The following RGS6 variants were observed in gnomAD, a reference collection of about 807,000 sequenced individuals.
RGS6 encodes regulator of G-protein signaling 6.
A neutral mutation model predicts 78.5 loss-of-function variants in RGS6; 30 were observed. That is an observed-to-expected ratio of 0.38 (90% CI 0.29 to 0.52). The LOEUF (loss-of-function observed/expected upper bound fraction) is 0.52, where lower values mean the gene tolerates loss of function less well. Ranked by LOEUF, RGS6 falls within the 20% of genes least tolerant of loss-of-function variation. The probability of loss-of-function intolerance (pLI) is 0.85; values close to 1 mark genes in which losing one functional copy is unlikely to be tolerated. For synonymous variants in RGS6, 206 were observed against 206.0 expected (o/e 1.00, Z 0.00); for missense variants, 495 against 609.7 (o/e 0.81, Z 1.98).
chr14:71,997,703 G>A (rs1420939660), intron 2 of RGS6, among the ~76,000 whole-genome samples: 1 of 152,176 alleles, frequency 6.6e-6, no homozygotes, highest in African/African-American at 2.4e-5. Context: ...CTGAGTCAGA[G>A]GCCTGGGGGT....
intron 11 of RGS6, among the ~76,000 whole-genome samples, chr14:72,477,784 G>C (rs1330120859): frequency 6.9e-6 from 1 of 145,046 alleles, no homozygotes; most frequent in African/African-American, 2.6e-5. Flanking sequence ...GCAACAGAAT[G>C]AGACTCTGTC....
At chr14:72,277,390 G>C (rs1723556023) in intron 2 of RGS6, among the ~76,000 whole-genome samples, 1 of 152,080 alleles carries the variant, frequency 6.6e-6, no homozygotes, top group Admixed American at 6.5e-5. Flanking sequence ...GAGGTCAGGA[G>C]ATCGAGACCA....
chr14:71,990,076 G>A (rs776752265), intron 2 of RGS6, among the ~76,000 whole-genome samples: 7 of 152,152 alleles, frequency 4.6e-5, no homozygotes, highest in Admixed American at 2.6e-4. Flanking sequence ...AAGTGAGTAC[G>A]TGTGAAGAGA....
chr14:72,192,353 A>C (rs1319737111), intron 2 of RGS6, among the ~76,000 whole-genome samples: 1 of 152,218 alleles, frequency 6.6e-6, no homozygotes, highest in Admixed American at 6.5e-5. Flanking sequence ...AAGAGGGAGA[A>C]AGATGGTACA....
intron 2 of RGS6, among the ~76,000 whole-genome samples, chr14:72,165,895 A>G (rs2096918575): frequency 6.6e-6 from 1 of 152,224 alleles, no homozygotes; most frequent in Non-Finnish European, 1.5e-5. Context: ...AAATATAACA[A>G]TGCACTGATA....
the RGS6 span, among the ~76,000 whole-genome samples, chr14:72,610,654 A>G: frequency 0.023 from 3,538 of 152,318 alleles, 149 homozygotes; most frequent in African/African-American, 0.081. Flanking sequence ...ACAGCACAGC[A>G]TCAGGCCAGG....
At chr14:72,154,960 C>T (rs532517355) in intron 2 of RGS6, among the ~76,000 whole-genome samples, 7 of 152,316 alleles carry the variant, frequency 4.6e-5, no homozygotes, top group East Asian at 1.9e-4. Context: ...TAGGAGCGGG[C>T]GGTAATGAAT....
intron 2 of RGS6, among the ~76,000 whole-genome samples, chr14:72,080,572 C>T (rs796928082): frequency 3.9e-5 from 6 of 152,086 alleles, no homozygotes; most frequent in African/African-American, 1.4e-4. Context: ...GCTTTTAGAA[C>T]CTGATCAAAA....
chr14:72,296,975 G>A (rs570673724), intron 2 of RGS6, among the ~76,000 whole-genome samples: 22 of 152,190 alleles, frequency 1.4e-4, no homozygotes, highest in Admixed American at 6.5e-4. Context: ...AAGATTCAAA[G>A]TTCTTTTCTT....
intron 2 of RGS6, among the ~76,000 whole-genome samples, chr14:72,282,627 A>G (rs2061770789): frequency 1.3e-5 from 2 of 152,214 alleles, no homozygotes; most frequent in South Asian, 4.1e-4. Flanking sequence ...ATTGATATTA[A>G]AAAGGACACA....
At chr14:72,586,648 C>T in the RGS6 span, among the ~76,000 whole-genome samples, 24 of 152,244 alleles carry the variant, frequency 1.6e-4, no homozygotes, top group Non-Finnish European at 2.5e-4. Flanking sequence ...TCTGACCTTT[C>T]GTGCAGAGCT....
chr14:72,344,784 A>G (rs866096411), intron 2 of RGS6, among the ~76,000 whole-genome samples: 6 of 152,194 alleles, frequency 3.9e-5, no homozygotes, highest in Admixed American at 6.5e-5. Flanking sequence ...GCACTGGGAC[A>G]CCATGGACAG....
In RGS6 at chr14:72,369,028, C is replaced by G. The variant is rs114500976; in HGVS notation, c.184+16834C>G. 2.0e-3 allele frequency among the ~76,000 whole-genome samples: 301 copies of G among 152,110 alleles called. 2 individuals are homozygous for G. Among genetic ancestry groups the G allele is most frequent in the African/African-American group, 6.8e-3 (281 of 41,442 alleles). ...TAAAATGCACTAACACTAACGATAG[C>G]TGATGAACTAGAAAAAAAAATCACA... is the stretch of plus-strand genomic sequence containing the variant. On this transcript the variant is annotated intron_variant, in intron 3 of 17. Transcript: ENST00000553525.
At chr14:72,117,513 A>G (rs1463266042) in intron 2 of RGS6, among the ~76,000 whole-genome samples, 1 of 152,082 alleles carries the variant, frequency 6.6e-6, no homozygotes, top group African/African-American at 2.4e-5. Context: ...CTTTGTGTAC[A>G]GCCTGCAGAA....
chr14:71,985,204 A>G (rs1268999546), intron 2 of RGS6, among the ~76,000 whole-genome samples: 1 of 151,872 alleles, frequency 6.6e-6, no homozygotes, highest in African/African-American at 2.4e-5. Context: ...GCTCACTGCA[A>G]CCGCCGCCTC....
chr14:72,067,742 G>C (rs750260165), intron 2 of RGS6, among the ~76,000 whole-genome samples: 5 of 152,174 alleles, frequency 3.3e-5, no homozygotes, highest in African/African-American at 1.2e-4. Context: ...CGTACAGCTA[G>C]CTTGTAGGTC....
chr14:72,017,616 T>A lies in RGS6; in HGVS notation c.84+52741T>A, dbSNP rs188775817. ...TGCCTTCAGGCTCTTTACAGAAAGT[T>A]TGCCTATCTTCACAAAACAGGGTTG... On this transcript the variant is annotated intron_variant, in intron 2 of 17. Transcript: ENST00000553525. 9.2e-5 allele frequency among the ~76,000 whole-genome samples: 14 copies of A among 152,296 alleles called. No individual in the cohort carries two copies. In the East Asian group the frequency reaches 2.7e-3, roughly 29 times the overall value.
chr14:71,964,696 C>T, intron 1 of RGS6, 76 bp from the exon 2 acceptor site: 1 of 1,008,068 alleles, frequency 9.9e-7, no homozygotes, highest in Non-Finnish European at 1.4e-6. Flanking sequence ...CCAAAAGTTA[C>T]TTAATTCTTT....
chr14:72,322,101 A>G (rs1044644924), intron 2 of RGS6, among the ~76,000 whole-genome samples: 3 of 152,058 alleles, frequency 2.0e-5, no homozygotes, highest in African/African-American at 7.2e-5. Context: ...ATACGTAAGT[A>G]CTTAAATTAA....
Sources: allele counts gnomAD v4.1 joint callset (sites outside exome capture counted in the v4.1 genomes callset), GRCh38; gene constraint gnomAD v4.1.1; transcripts MANE v1.5; gene names NCBI Gene and HGNC (gene_info 2026-07-23, HGNC 2026-07-21).